Variants in FSD1L observed in about 807,000 individuals in gnomAD.
FSD1L encodes FSD1-like protein.
A neutral mutation model predicts 71.6 loss-of-function variants in FSD1L; 45 were observed. The observed-to-expected ratio is 0.63, with a 90% CI of 0.49 to 0.81. FSD1L has a LOEUF of 0.81. FSD1L is among the 30% of genes least tolerant of loss of function. The probability of loss-of-function intolerance (pLI) is 0.00; values close to 1 mark genes in which losing one functional copy is unlikely to be tolerated. For synonymous variants in FSD1L, 197 were observed against 207.2 expected (o/e 0.95, Z 0.42); for missense variants, 561 against 618.1 (o/e 0.91, Z 0.98).
At chr9:105,476,756 T>C (rs745799405) in intron 5 of FSD1L, among the ~76,000 whole-genome samples, 2 of 152,176 alleles carry the variant, frequency 1.3e-5, no homozygotes, top group Non-Finnish European at 2.9e-5. Flanking sequence ...TACCTTTCTG[T>C]TTTGAGAGAA....
chr9:105,544,238 G>C (rs1205635106), intron 13 of FSD1L, among the ~76,000 whole-genome samples: 2 of 152,226 alleles, frequency 1.3e-5, no homozygotes, highest in Non-Finnish European at 2.9e-5. Context: ...CTTTTGAGAA[G>C]TGTCTGTCCA....
chr9:105,495,807 T>G (rs980702585), intron 7 of FSD1L, among the ~76,000 whole-genome samples: 4 of 152,102 alleles, frequency 2.6e-5, no homozygotes, highest in Non-Finnish European at 4.4e-5. Context: ...AAACCTCCTC[T>G]GTACTAAAAA....
intron 7 of FSD1L, among the ~76,000 whole-genome samples, chr9:105,491,498 C>T (rs1409651462): frequency 2.0e-5 from 3 of 151,776 alleles, no homozygotes; most frequent in African/African-American, 4.9e-5. Flanking sequence ...ATTTCCTTCT[C>T]CTGCCCAATT....
In FSD1L at chr9:105,508,607, G is replaced by C; in HGVS notation, c.797-10G>C. 6.5e-7 allele frequency: 1 copy of C among 1,528,238 alleles called. No homozygotes were observed. The highest frequency in any genetic ancestry group is 8.9e-7 in the Non-Finnish European group (1 of 1,126,304). The allele number at this position is 1,528,238 out of a possible 1,614,324, so 94.7% of individuals were successfully genotyped here. A position where few individuals can be genotyped will look rare whatever the true frequency, so the allele number is the denominator to read the frequency against. On this transcript the variant is annotated splice_polypyrimidine_tract_variant and intron_variant, in intron 8 of 13. Transcript: ENST00000481272. Reference sequence around the variant, plus strand: ...GTACATGTCTGAAAACCATGTTTTCGTTTCTTCAGGCTTAAAATTTGATTC... The same window carrying C: ...GTACATGTCTGAAAACCATGTTTTCCTTTCTTCAGGCTTAAAATTTGATTC...
intron 2 of FSD1L, among the ~76,000 whole-genome samples, 189 bp downstream of exon 2, chr9:105,461,804 A>C (rs758014605): frequency 2.6e-5 from 4 of 152,180 alleles, no homozygotes; most frequent in Non-Finnish European, 2.9e-5. Context: ...GCTGGAGCCC[A>C]GAAGTTCGAG....
intron 10 of FSD1L, 77 bp downstream of exon 10, chr9:105,513,013 A>G: frequency 8.0e-7 from 1 of 1,245,262 alleles, no homozygotes; most frequent in East Asian, 2.8e-5. Context: ...CTTTTATTGA[A>G]ATTCTTAGTC....
intron 12 of FSD1L, among the ~76,000 whole-genome samples, chr9:105,538,753 T>C (rs1339918935): frequency 6.6e-6 from 1 of 152,164 alleles, no homozygotes; most frequent in East Asian, 1.9e-4. Context: ...TTATACAAAA[T>C]AGCAAGACCC....
At chr9:105,543,995 G>A (rs1165453885) in intron 13 of FSD1L, among the ~76,000 whole-genome samples, 2 of 152,194 alleles carry the variant, frequency 1.3e-5, no homozygotes, top group Non-Finnish European at 2.9e-5. Flanking sequence ...CTAGATCCCT[G>A]AGGAATCGCC....
chr9:105,445,986 T>TA (rs1829633859), upstream of FSD1L, among the ~76,000 whole-genome samples: 2 of 152,232 alleles, frequency 1.3e-5, no homozygotes, highest in South Asian at 4.1e-4. Context: ...TTCCCTTTTG[T>TA]AACTTTCATT....
At chr9:105,520,655 A>G (rs529332470) in intron 10 of FSD1L, 24 of 1,612,508 alleles carry the variant, frequency 1.5e-5, no homozygotes, top group East Asian at 4.5e-5. Context: ...TTTTCTTACT[A>G]TGGTTGCAAG....
chr9:105,535,950 C>A (rs1404068381), intron 12 of FSD1L, among the ~76,000 whole-genome samples: 3 of 152,178 alleles, frequency 2.0e-5, no homozygotes, highest in Non-Finnish European at 4.4e-5. Flanking sequence ...AAATATTCTT[C>A]AGAATGACTC....
At chr9:105,528,046 T>C (rs1302057707) in intron 10 of FSD1L, among the ~76,000 whole-genome samples, 4 of 152,144 alleles carry the variant, frequency 2.6e-5, no homozygotes, top group African/African-American at 9.7e-5. Flanking sequence ...TTATTCACAA[T>C]TGCTACAAAG....
chr9:105,444,172 G>C (rs1829592766), upstream of FSD1L, among the ~76,000 whole-genome samples: 1 of 152,110 alleles, frequency 6.6e-6, no homozygotes, highest in Admixed American at 6.6e-5. Flanking sequence ...GCTGTGCAAG[G>C]GTAAAACAGA....
At chr9:105,535,353 G>A in intron 12 of FSD1L, 35 bp downstream of exon 12, 3 of 1,547,638 alleles carry the variant, frequency 1.9e-6, no homozygotes, top group Non-Finnish European at 2.6e-6. Flanking sequence ...TTTCATCATA[G>A]TTGCTTGCAT....
At chr9:105,520,115 T>TGGCAGC (rs1203210808) in intron 10 of FSD1L, 17 of 1,591,992 alleles carry the variant, frequency 1.1e-5, no homozygotes, top group East Asian at 4.5e-5. Flanking sequence ...GCAGTGGCAG[T>TGGCAGC]GGCAGCGGCA....
At chr9:105,511,223 A>G (rs558520600) in intron 9 of FSD1L, among the ~76,000 whole-genome samples, 3 of 151,228 alleles carry the variant, frequency 2.0e-5, no homozygotes, top group Admixed American at 6.6e-5. Context: ...TGACACCAGT[A>G]TTGCTGGTGG....
intron 7 of FSD1L, among the ~76,000 whole-genome samples, chr9:105,490,963 G>A (rs1185814652): frequency 6.7e-6 from 1 of 149,062 alleles, no homozygotes; most frequent in Admixed American, 6.7e-5. Context: ...TTGTTCTTTT[G>A]GCTTAGGATT....
intron 13 of FSD1L, among the ~76,000 whole-genome samples, chr9:105,541,512 C>G (rs1289022702): frequency 6.6e-6 from 1 of 151,928 alleles, no homozygotes; most frequent in Non-Finnish European, 1.5e-5. Flanking sequence ...AAATAATACT[C>G]TAATTATATT....
chr9:105,484,256 T>C, intron 6 of FSD1L, 125 bp from the exon 7 acceptor site: 1 of 648,506 alleles, frequency 1.5e-6, no homozygotes, highest in East Asian at 3.6e-5. Context: ...TCTATTTCAC[T>C]TTTAACTTTT....
Sources: gnomAD v4.1 joint callset for allele counts (sites outside exome capture counted in the v4.1 genomes callset) on GRCh38, gnomAD v4.1.1 for gene constraint, MANE v1.5 for transcripts, NCBI Gene and HGNC (gene_info 2026-07-23, HGNC 2026-07-21) for gene names.